Variants in GTF2F2 observed in about 807,000 individuals in gnomAD.
GTF2F2 encodes general transcription factor IIF subunit 2.
In GTF2F2, 23 loss-of-function variants were observed where a neutral mutation model predicts 42.2. The ratio of observed to expected loss-of-function variants is 0.55; its 90% CI spans 0.39 to 0.77. The LOEUF (loss-of-function observed/expected upper bound fraction) is 0.77, where lower values mean the gene tolerates loss of function less well. GTF2F2 is among the 30% of genes least tolerant of loss of function. The pLI is 0.00. For missense variants in GTF2F2, 261 were observed against 287.2 expected (o/e 0.91, Z 0.66); for synonymous variants, 105 against 100.8 (o/e 1.04, Z -0.25).
chr13:45,267,452 A>G (rs1283788752), intron 7 of GTF2F2, 76 bp downstream of exon 7: 11 of 1,011,206 alleles, frequency 1.1e-5, no homozygotes, highest in East Asian at 5.3e-5. Context: ...TGTGTCATAC[A>G]TGATTTAGTT....
intron 5 of GTF2F2, among the ~76,000 whole-genome samples, chr13:45,216,792 T>C (rs1593496864): frequency 6.6e-6 from 1 of 151,438 alleles, no homozygotes; most frequent in Non-Finnish European, 1.5e-5. Flanking sequence ...GTGCTGGGAT[T>C]ACAGGCATGA....
In GTF2F2 at chr13:45,252,566, T is replaced by C. The variant is rs548767946; in HGVS notation, c.387-305T>C. ...GATTTATTTTTACATGAAGATTTTT[T>C]CCCCCAGAAATTTAAGGCTGATTAG... On this transcript the variant is annotated intron_variant, in intron 5 of 7. Transcript: ENST00000340473. Among the ~76,000 whole-genome samples the C allele has an allele frequency of 4.7e-4, 72 of 152,290 alleles. 1 individual carries two copies. In the South Asian group the frequency reaches 0.015, roughly 32 times the overall value.
intron 6 of GTF2F2, among the ~76,000 whole-genome samples, chr13:45,265,505 T>C (rs948557551): frequency 1.3e-5 from 2 of 152,190 alleles, no homozygotes; most frequent in East Asian, 1.9e-4. Flanking sequence ...ATAGTCATGC[T>C]TAATCTGCTG....
intron 6 of GTF2F2, among the ~76,000 whole-genome samples, chr13:45,257,997 A>G (rs1876173893): frequency 6.6e-6 from 1 of 152,208 alleles, no homozygotes; most frequent in Admixed American, 6.5e-5. Flanking sequence ...TAGAGATAAT[A>G]CTAATAAACC....
At chr13:45,161,507 A>G (rs759586990) in intron 4 of GTF2F2, among the ~76,000 whole-genome samples, 1 of 152,096 alleles carries the variant, frequency 6.6e-6, no homozygotes, top group Non-Finnish European at 1.5e-5. Context: ...CTCATGCGTA[A>G]CACTGAATTG....
chr13:45,145,789 T>TAGCTCCCCTCAGTGTGCTGC (rs1340199735), intron 2 of GTF2F2, among the ~76,000 whole-genome samples: 29 of 152,190 alleles, frequency 1.9e-4, no homozygotes, highest in African/African-American at 6.8e-4. Context: ...GCTTGGGCTG[T>TAGCTCCCCTCAGTGTGCTGC]AGCTCCCCTC....
chr13:45,194,793 A>T, intron 4 of GTF2F2: 1 of 543,254 alleles, frequency 1.8e-6, no homozygotes, highest in Non-Finnish European at 3.3e-6. Context: ...ATTTAACTGT[A>T]TCAGGGAAGG....
At chr13:45,154,387 C>T (rs1256243631) in intron 4 of GTF2F2, among the ~76,000 whole-genome samples, 4 of 152,136 alleles carry the variant, frequency 2.6e-5, no homozygotes, top group African/African-American at 7.2e-5. Context: ...TTCGTGTTCA[C>T]GTTTCTGGCT....
At chr13:45,143,131 G>T (rs1482246329) in intron 2 of GTF2F2, among the ~76,000 whole-genome samples, 6 of 152,164 alleles carry the variant, frequency 3.9e-5, no homozygotes, top group African/African-American at 1.4e-4. Flanking sequence ...AGGAACATTT[G>T]AAAGTCTAGG....
chr13:45,177,281 G>A (rs967104535), intron 4 of GTF2F2, among the ~76,000 whole-genome samples: 2 of 152,062 alleles, frequency 1.3e-5, no homozygotes, highest in Non-Finnish European at 2.9e-5. Flanking sequence ...TCCAGTGGTT[G>A]ATATCATCTA....
chr13:45,222,304 AGG>A (rs999922851), intron 5 of GTF2F2, among the ~76,000 whole-genome samples: 7 of 152,148 alleles, frequency 4.6e-5, no homozygotes, highest in Admixed American at 1.3e-4. Flanking sequence ...TGTTAACAAA[AGG>A]AATACATACA....
At chr13:45,170,435 A>G (rs1437819328) in intron 4 of GTF2F2, among the ~76,000 whole-genome samples, 2 of 152,244 alleles carry the variant, frequency 1.3e-5, no homozygotes, top group African/African-American at 2.4e-5. Flanking sequence ...TTAGAAGCAA[A>G]TAAAAGCTTT....
At chr13:45,194,709 C>T (rs891219541) in intron 4 of GTF2F2, 1 of 736,034 alleles carries the variant, frequency 1.4e-6, no homozygotes, top group Non-Finnish European at 2.3e-6. Flanking sequence ...GCTGTCAGCT[C>T]GGTTTTGCAG....
chr13:45,186,901 A>G (rs1347119152), intron 4 of GTF2F2, among the ~76,000 whole-genome samples: 3 of 152,248 alleles, frequency 2.0e-5, no homozygotes, highest in Admixed American at 6.5e-5. Flanking sequence ...AATCAAAATT[A>G]CTTTTGAAAA....
chr13:45,231,139 G>A (rs961362262), intron 5 of GTF2F2, among the ~76,000 whole-genome samples: 5 of 151,062 alleles, frequency 3.3e-5, no homozygotes, highest in Non-Finnish European at 5.9e-5. Flanking sequence ...ACGGAGTCTC[G>A]CTCTGTCACC....
At chr13:45,214,681 T>C (rs1279683661) in intron 5 of GTF2F2, among the ~76,000 whole-genome samples, 2 of 152,204 alleles carry the variant, frequency 1.3e-5, no homozygotes, top group East Asian at 3.8e-4. Context: ...CATCATGTCT[T>C]ATGTATTAAA....
At chr13:45,243,147 G>T (rs536853428) in intron 5 of GTF2F2, among the ~76,000 whole-genome samples, 1 of 152,248 alleles carries the variant, frequency 6.6e-6, no homozygotes, top group Admixed American at 6.5e-5. Context: ...ATTCTCAGAT[G>T]CTCAAGTCCC....
intron 7 of GTF2F2, among the ~76,000 whole-genome samples, chr13:45,269,013 CT>C (rs1429070989): frequency 6.6e-6 from 1 of 152,148 alleles, no homozygotes; most frequent in Non-Finnish European, 1.5e-5. Context: ...TCCTGAAAAT[CT>C]GCAAAAATGT....
At chr13:45,193,899 A>G in intron 4 of GTF2F2, 2 of 1,614,140 alleles carry the variant, frequency 1.2e-6, no homozygotes, top group East Asian at 4.5e-5. Context: ...CCTCAAACTT[A>G]AGAGTTTCCA....
Sources: gnomAD v4.1 joint callset for allele counts (sites outside exome capture counted in the v4.1 genomes callset) on GRCh38, gnomAD v4.1.1 for gene constraint, MANE v1.5 for transcripts, NCBI Gene and HGNC (gene_info 2026-07-23, HGNC 2026-07-21) for gene names.